ROCK1: variants seen among roughly 807,000 people sequenced by gnomAD.
ROCK1 encodes rho-associated protein kinase 1.
Under a neutral mutation model 196.8 loss-of-function variants are expected in ROCK1, and 36 were observed. The ratio of observed to expected loss-of-function variants is 0.18; its 90% confidence interval spans 0.14 to 0.24. The LOEUF is 0.24. ROCK1 is among the 10% of genes least tolerant of loss of function. The pLI is 1.00. For missense variants in ROCK1, 920 were observed against 1,562.0 expected, an observed-to-expected ratio of 0.59 and a Z score of 6.93; for synonymous variants, 443 against 515.9, an observed-to-expected ratio of 0.86 and a Z score of 1.91.
chr18:21,011,883 A>T (rs967881235), intron 13 of ROCK1, among the ~76,000 whole-genome samples: 1 of 152,220 alleles, frequency 6.6e-6, no homozygotes, highest in African/African-American at 2.4e-5. Flanking sequence ...TAAAAAATAA[A>T]GAGGAGAAAA....
intron 6 of ROCK1, among the ~76,000 whole-genome samples, chr18:21,043,530 CAT>C (rs1208552426): frequency 3.5e-5 from 5 of 144,512 alleles, no homozygotes; most frequent in East Asian, 4.0e-4. Context: ...ATATAAATAA[CAT>C]ATTTATTTAT....
intron 2 of ROCK1, among the ~76,000 whole-genome samples, chr18:21,064,934 A>G (rs1202099397): frequency 1.3e-5 from 2 of 152,196 alleles, no homozygotes; most frequent in Non-Finnish European, 2.9e-5. Context: ...TTGCCTCTCA[A>G]GGGATATTTG....
At chr18:21,038,770 G>A (rs1402135560) in intron 9 of ROCK1, among the ~76,000 whole-genome samples, 1 of 152,204 alleles carries the variant, frequency 6.6e-6, no homozygotes, top group Admixed American at 6.5e-5. Context: ...AAAATCCTAA[G>A]ATGTCAGCAG....
chr18:21,000,465 G>A (rs1319674329), intron 16 of ROCK1, among the ~76,000 whole-genome samples: 5 of 152,054 alleles, frequency 3.3e-5, no homozygotes, highest in South Asian at 4.1e-4. Flanking sequence ...GTTTTGCCAC[G>A]TTGCCCAGGC....
chr18:20,971,197 G>A (rs2035422608), intron 22 of ROCK1, among the ~76,000 whole-genome samples: 1 of 151,836 alleles, frequency 6.6e-6, no homozygotes, highest in African/African-American at 2.4e-5. Context: ...CAGAGTAGGT[G>A]CTCAATAAAT....
chr18:20,970,084 A>G (rs989529513), intron 23 of ROCK1: 13 of 277,024 alleles, frequency 4.7e-5, no homozygotes, highest in African/African-American at 2.0e-4. Context: ...AATATAACTA[A>G]TAAGATCTAC....
intron 27 of ROCK1, among the ~76,000 whole-genome samples, chr18:20,963,041 T>C (rs1304796482): frequency 6.6e-6 from 1 of 152,084 alleles, no homozygotes; most frequent in Non-Finnish European, 1.5e-5. Flanking sequence ...ATCTTTTATA[T>C]CACAAGCACA....
intron 2 of ROCK1, among the ~76,000 whole-genome samples, chr18:21,051,075 T>G (rs1186031380): frequency 6.6e-6 from 1 of 152,146 alleles, no homozygotes; most frequent in African/African-American, 2.4e-5. Flanking sequence ...GAGAGATAGC[T>G]AGGAAGACTT....
At position 21,028,898 on chromosome 18, in the gene ROCK1, A is replaced by G; in HGVS notation, c.1089T>C (p.Ile363=). The change falls in exon 10 of 33, where the codon ATT becomes ATC. Residue 363 remains isoleucine, a synonymous_variant. Transcript: ENST00000399799. ...APVVPDLSSD[I]DTSNFDDLEE... ...CCAAGTCATCAAAATTACTAGTATCAATGTCACTACTTAAATCGGGTACAA... is the reference window on the plus strand; with the variant it reads ...CCAAGTCATCAAAATTACTAGTATCGATGTCACTACTTAAATCGGGTACAA... 6.2e-7 allele frequency: 1 copy of G among 1,612,106 alleles called. No individual in the cohort carries two copies. The highest frequency in any genetic ancestry group is 8.5e-7 in the Non-Finnish European group (1 of 1,179,446).
At chr18:21,092,580 TAAAAAAAAAAAAAA>T (rs35799573) in intron 1 of ROCK1, among the ~76,000 whole-genome samples, 1 of 81,142 alleles carries the variant, frequency 1.2e-5, no homozygotes, top group Admixed American at 1.6e-4. Flanking sequence ...ACCTCATCTT[TAAAAAAAAAAAAAA>T]AAAAAAAAAA....
chr18:21,058,294 G>A (rs113522689), intron 2 of ROCK1, among the ~76,000 whole-genome samples: 5 of 152,068 alleles, frequency 3.3e-5, no homozygotes, highest in African/African-American at 1.2e-4. Context: ...AACAAAAGAT[G>A]TATTTTGCCT....
chr18:20,989,730 TTAC>T (rs1043448026), intron 18 of ROCK1, among the ~76,000 whole-genome samples: 1 of 151,896 alleles, frequency 6.6e-6, no homozygotes, highest in African/African-American at 2.4e-5. Flanking sequence ...TGAGAGGAGC[TTAC>T]CCTCCTTTAA....
intron 2 of ROCK1, among the ~76,000 whole-genome samples, chr18:21,057,275 T>A (rs537762874): frequency 1.3e-5 from 2 of 152,122 alleles, no homozygotes; most frequent in Non-Finnish European, 2.9e-5. Flanking sequence ...TGCAACATAT[T>A]CAGCAAGAAA....
chr18:21,008,128 G>T lies in ROCK1; in HGVS notation c.1477C>A (p.His493Asn). 1 of 1,599,272 alleles carries T rather than the reference G, an allele frequency of 6.3e-7. No homozygotes were observed. Among genetic ancestry groups the T allele is most frequent in the Non-Finnish European group, 8.5e-7 (1 of 1,170,010 alleles). The stretch of plus-strand genomic sequence containing the variant: ...TTTCTTTGGTACTCATTAATTCTAT[G>T]CTGTAGCAACATTTTCTCCTTCTCA... ...QIEKEKMLLQHRINEYQRKAE... is the reference protein window; with the variant it reads ...QIEKEKMLLQNRINEYQRKAE... The change falls in exon 14 of 33, where the codon CAT (histidine) becomes AAT (asparagine). Residue 493 changes from histidine (H) to asparagine (N), a missense_variant. Physicochemically the swap from His to Asn is moderately conservative, Grantham distance 68 (BLOSUM62 1). Transcript: ENST00000399799.
chr18:20,958,776 C>A (rs2035271680), intron 29 of ROCK1, among the ~76,000 whole-genome samples: 1 of 146,746 alleles, frequency 6.8e-6, no homozygotes, highest in Admixed American at 7.2e-5. Context: ...CTGTATTACT[C>A]ATAAGACATA....
At chr18:20,966,221 G>A (rs751129041) in intron 27 of ROCK1, among the ~76,000 whole-genome samples, 1 of 152,062 alleles carries the variant, frequency 6.6e-6, no homozygotes, top group African/African-American at 2.4e-5. Flanking sequence ...TATAGTATGT[G>A]TATTTCTCAT....
intron 4 of ROCK1, 126 bp downstream of exon 4, chr18:21,048,966 G>A: frequency 1.4e-6 from 1 of 709,140 alleles, no homozygotes. Context: ...AGATTTAAAA[G>A]GTAATTAGAC....
At chr18:21,007,239 C>T (rs999528322) in intron 14 of ROCK1, among the ~76,000 whole-genome samples, 1 of 152,044 alleles carries the variant, frequency 6.6e-6, no homozygotes, top group Non-Finnish European at 1.5e-5. Flanking sequence ...ACTGGCTCTC[C>T]TCCCTAATAT....
At chr18:21,042,317 C>T in intron 7 of ROCK1, 82 bp from the exon 8 acceptor site, 3 of 1,271,782 alleles carry the variant, frequency 2.4e-6, no homozygotes, top group East Asian at 2.4e-5. Context: ...CAAAGTTACC[C>T]GTTTAAAAAG....
Sources: allele counts gnomAD v4.1 joint callset (sites outside exome capture counted in the v4.1 genomes callset), GRCh38; gene constraint gnomAD v4.1.1; transcripts MANE v1.5; gene names NCBI Gene and HGNC (gene_info 2026-07-23, HGNC 2026-07-21).